Variants in BMP6 observed in about 807,000 individuals in gnomAD.
BMP6 encodes bone morphogenetic protein 6.
In BMP6, 17 loss-of-function variants were observed where a neutral mutation model predicts 54.1. The ratio of observed to expected loss-of-function variants is 0.31; its 90% CI spans 0.22 to 0.47. The LOEUF is 0.47. Among genes scored for constraint, BMP6 ranks in the 20% least tolerant of loss-of-function variants. BMP6 has a pLI of 1.00. For missense variants in BMP6, 720 were observed against 690.4 expected, an observed-to-expected ratio of 1.04 and a Z score of -0.48; for synonymous variants, 328 against 291.2, an observed-to-expected ratio of 1.13 and a Z score of -1.28.
chr6:7,850,886 A>G (rs1026740943), intron 2 of BMP6, among the ~76,000 whole-genome samples: 2 of 151,928 alleles, frequency 1.3e-5, no homozygotes, highest in Admixed American at 6.5e-5. Flanking sequence ...TGAAAATACT[A>G]TCTTTTTCTC....
intron 1 of BMP6, among the ~76,000 whole-genome samples, chr6:7,748,414 T>C (rs1757376848): frequency 6.6e-6 from 1 of 152,202 alleles, no homozygotes; most frequent in African/African-American, 2.4e-5. Flanking sequence ...CATTCTCTTA[T>C]GCTAAGAGCA....
chr6:7,782,528 T>C (rs1757962521), intron 1 of BMP6, among the ~76,000 whole-genome samples: 1 of 151,910 alleles, frequency 6.6e-6, no homozygotes, highest in South Asian at 2.1e-4. Flanking sequence ...CTGGCCAACA[T>C]GGTGAAACCC....
At chr6:7,808,406 TG>T (rs961880077) in intron 1 of BMP6, among the ~76,000 whole-genome samples, 1 of 152,058 alleles carries the variant, frequency 6.6e-6, no homozygotes. Context: ...CAGAGCCTCT[TG>T]GGGGGGCGAT....
chr6:7,737,682 C>T (rs1761975711), intron 1 of BMP6, among the ~76,000 whole-genome samples: 1 of 151,864 alleles, frequency 6.6e-6, no homozygotes, highest in Non-Finnish European at 1.5e-5. Context: ...ATTGGCAACT[C>T]CATTGCACTT....
chr6:7,761,331 G>C (rs1445816610), intron 1 of BMP6, among the ~76,000 whole-genome samples: 10 of 152,214 alleles, frequency 6.6e-5, no homozygotes, highest in Admixed American at 6.5e-4. Context: ...GGTTATGATA[G>C]TAAGTTTTCC....
intron 1 of BMP6, among the ~76,000 whole-genome samples, chr6:7,795,914 G>T (rs1013776588): frequency 6.6e-6 from 1 of 152,108 alleles, no homozygotes; most frequent in South Asian, 2.1e-4. Flanking sequence ...AAGTAGATTT[G>T]GGGGAAAACA....
At chr6:7,755,796 G>C (rs1277212297) in intron 1 of BMP6, among the ~76,000 whole-genome samples, 1 of 152,056 alleles carries the variant, frequency 6.6e-6, no homozygotes, top group Non-Finnish European at 1.5e-5. Flanking sequence ...GTTGTGGAAA[G>C]ATATTCACTG....
intron 1 of BMP6, among the ~76,000 whole-genome samples, chr6:7,844,343 AG>A (rs1759024323): frequency 8.9e-6 from 1 of 112,108 alleles, no homozygotes; most frequent in Admixed American, 9.2e-5. Flanking sequence ...CTTTCCCCCC[AG>A]TTTTTTTTTT....
chr6:7,761,163 G>T (rs1318062791), intron 1 of BMP6, among the ~76,000 whole-genome samples: 2 of 152,122 alleles, frequency 1.3e-5, no homozygotes, highest in African/African-American at 4.8e-5. Context: ...ACTATCTTTG[G>T]ATTACTTATA....
rs115331269 is a variant in BMP6, at chr6:7,833,163, T to A, written c.665-11977T>A. On this transcript the variant is annotated intron_variant, in intron 1 of 6. Coordinates refer to ENST00000283147, the MANE Select transcript of BMP6 (RefSeq NM_001718.6). ...ACACTTCTAGAATGATGCTGTCCAGTAGAACTCTCTGAGATGATGGAAGCA... is the reference window on the plus strand; with the variant it reads ...ACACTTCTAGAATGATGCTGTCCAGAAGAACTCTCTGAGATGATGGAAGCA... Among the ~76,000 whole-genome samples the A allele has an allele frequency of 9.7e-3, 1,481 of 152,282 alleles. 21 individuals are homozygous for A. The highest frequency in any genetic ancestry group is 0.034 in the African/African-American group (1,409 of 41,552).
At chr6:7,803,639 G>C (rs1758304821) in intron 1 of BMP6, among the ~76,000 whole-genome samples, 1 of 152,030 alleles carries the variant, frequency 6.6e-6, no homozygotes, top group South Asian at 2.1e-4. Context: ...CCTTCACCAT[G>C]CCTCTCTTTT....
chr6:7,837,824 A>G (rs983249354), intron 1 of BMP6, among the ~76,000 whole-genome samples: 1 of 152,226 alleles, frequency 6.6e-6, no homozygotes, highest in African/African-American at 2.4e-5. Context: ...AAATTATGGC[A>G]ATAAACTTGA....
intron 4 of BMP6, among the ~76,000 whole-genome samples, chr6:7,873,372 A>C (rs1222255863): frequency 6.6e-6 from 1 of 152,214 alleles, no homozygotes; most frequent in Non-Finnish European, 1.5e-5. Flanking sequence ...GACCAGCCAA[A>C]TGAAGAGACT....
At chr6:7,805,428 T>A (rs908206162) in intron 1 of BMP6, among the ~76,000 whole-genome samples, 1 of 152,240 alleles carries the variant, frequency 6.6e-6, no homozygotes, top group Non-Finnish European at 1.5e-5. Context: ...GAATGAAATT[T>A]GTGTTATTTT....
chr6:7,727,676 G>A (rs1581221438), intron 1 of BMP6, 57 bp downstream of exon 1: 6 of 1,446,412 alleles, frequency 4.1e-6, no homozygotes, highest in African/African-American at 1.5e-5. Context: ...AGTGTCCCGG[G>A]CCCAGGGGAT....
chr6:7,784,785 A>G (rs1471399248), intron 1 of BMP6, among the ~76,000 whole-genome samples: 1 of 152,158 alleles, frequency 6.6e-6, no homozygotes, highest in African/African-American at 2.4e-5. Context: ...AGCTAATAGG[A>G]GCAGCTGAGG....
Position 7,880,187 on chromosome 6 carries a change from G to C in BMP6, c.1393-7G>C. ...AAGGTACCTTCTCCCCTTCTGTTTTGGAACAGGTTCACCTTATGAACCCCG... is the reference window on the plus strand; with the variant it reads ...AAGGTACCTTCTCCCCTTCTGTTTTCGAACAGGTTCACCTTATGAACCCCG... On this transcript the variant is annotated splice_polypyrimidine_tract_variant and splice_region_variant and intron_variant, in intron 6 of 6. Coordinates refer to ENST00000283147, the MANE Select transcript of BMP6 (RefSeq NM_001718.6). The C allele has an allele frequency of 5.6e-6, 9 of 1,614,098 alleles. No individual in the cohort carries two copies. The highest frequency in any genetic ancestry group is 7.6e-6 in the Non-Finnish European group (9 of 1,180,012).
chr6:7,843,694 G>GT (rs1431672448), intron 1 of BMP6, among the ~76,000 whole-genome samples: 5 of 152,064 alleles, frequency 3.3e-5, no homozygotes, highest in Non-Finnish European at 7.4e-5. Context: ...AGAGTCAAGG[G>GT]TTTATGGTGG....
intron 4 of BMP6, among the ~76,000 whole-genome samples, chr6:7,863,403 T>G (rs1759367740): frequency 6.6e-6 from 1 of 152,214 alleles, no homozygotes; most frequent in Non-Finnish European, 1.5e-5. Flanking sequence ...GAATTCTTAG[T>G]AAAACTATCT....
Sources: allele counts gnomAD v4.1 joint callset (sites outside exome capture counted in the v4.1 genomes callset), GRCh38; gene constraint gnomAD v4.1.1; transcripts MANE v1.5; gene names NCBI Gene and HGNC (gene_info 2026-07-23, HGNC 2026-07-21).